Variants in MTRR observed in about 807,000 individuals in gnomAD.
MTRR encodes the protein 5-methyltetrahydrofolate-homocysteine methyltransferase reductase, also known as methionine synthase reductase.
Under a neutral mutation model 79.2 loss-of-function variants are expected in MTRR, and 63 were observed. The ratio of observed to expected loss-of-function variants is 0.80; its 90% CI spans 0.65 to 0.98. The LOEUF (loss-of-function observed/expected upper bound fraction) is 0.98. Among genes scored for constraint, MTRR ranks in the 50% least tolerant of loss-of-function variants. The pLI is 0.00. For missense variants in MTRR, 895 were observed against 839.6 expected (o/e 1.07, Z -0.82); for synonymous variants, 355 against 313.3 (o/e 1.13, Z -1.41).
chr5:7,890,333 C>T (rs1737336421), intron 9 of MTRR: 1 of 985,262 alleles, frequency 1.0e-6, no homozygotes, highest in African/African-American at 1.7e-5. Flanking sequence ...TCTCACCATC[C>T]TGTCCTCAGG....
intron 9 of MTRR, among the ~76,000 whole-genome samples, chr5:7,890,778 T>G (rs1737408836): frequency 6.6e-6 from 1 of 152,218 alleles, no homozygotes; most frequent in Non-Finnish European, 1.5e-5. Context: ...AGTTCAATAT[T>G]TAAATACAGA....
intron 9 of MTRR, chr5:7,890,490 T>C: frequency 3.4e-6 from 3 of 885,688 alleles, no homozygotes; most frequent in Non-Finnish European, 4.1e-6. Context: ...AGATTTTTTG[T>C]TACCTTTTAG....
At position 7,892,828 on chromosome 5, in the gene MTRR, G is replaced by A. The variant is rs148284479; in HGVS notation, c.1472G>A (p.Gly491Asp). 54 of 1,614,054 alleles carry A rather than the reference G, an allele frequency of 3.3e-5. No homozygotes were observed. Among genetic ancestry groups the A allele is most frequent in the Non-Finnish European group, 4.1e-5 (48 of 1,180,026 alleles). ...GTTCTGCGGAAGGGAGTATGTACAG[G>A]CTGGCTGGCCTTGTTGGTTGCTTCA... is the stretch of plus-strand genomic sequence containing the variant. ...TEVLRKGVCT[G>D]WLALLVASVL... Residue 491 changes from glycine to aspartate, a missense_variant, in exon 11 of 15, where the codon GGC (glycine) becomes GAC (aspartate). By Grantham distance (94) the Gly-to-Asp change is moderately conservative. Coordinates refer to ENST00000440940, the MANE Select transcript of MTRR (RefSeq NM_002454.3).
At chr5:7,881,890 CTGCTACTTACGGT>C (rs1735656959) in intron 5 of MTRR, among the ~76,000 whole-genome samples, 1 of 152,178 alleles carries the variant, frequency 6.6e-6, no homozygotes, top group Non-Finnish European at 1.5e-5. Context: ...CTGGCACTCC[CTGCTACTTACGGT>C]TGCATTGTTG....
At chr5:7,886,167 T>A (rs987546142) in intron 7 of MTRR, among the ~76,000 whole-genome samples, 1 of 152,176 alleles carries the variant, frequency 6.6e-6, no homozygotes, top group Non-Finnish European at 1.5e-5. Flanking sequence ...TTTCCTATTA[T>A]GTTTACTTCT....
intron 9 of MTRR, 26 bp downstream of exon 9, chr5:7,889,301 T>G (rs1579760428): frequency 6.2e-7 from 1 of 1,612,070 alleles, no homozygotes; most frequent in Non-Finnish European, 8.5e-7. Flanking sequence ...CACAAGCACC[T>G]TGGTGGCTGT....
At chr5:7,886,514 C>G (rs555526440) in intron 7 of MTRR, 101 bp from the exon 8 acceptor site, 1 of 916,058 alleles carries the variant, frequency 1.1e-6, no homozygotes, top group African/African-American at 1.6e-5. Context: ...CACTTTGATG[C>G]GCTGTAAAGT....
At chr5:7,896,056 T>G (rs1243368517) in intron 12 of MTRR, among the ~76,000 whole-genome samples, 1 of 152,238 alleles carries the variant, frequency 6.6e-6, no homozygotes, top group East Asian at 1.9e-4. Flanking sequence ...CCTTTTTTAC[T>G]GTGGCACTTT....
At chr5:7,869,129 C>A (rs778014024), upstream of MTRR, 8 of 1,613,466 alleles carry the variant, frequency 5.0e-6, no homozygotes, top group Admixed American at 1.3e-4. Flanking sequence ...TCCTGGGTAC[C>A]GAGCATGGGC....
intron 3 of MTRR, among the ~76,000 whole-genome samples, chr5:7,874,652 AGAAACATACCACATTGTTAATTGTGGTT>A (rs1748568938): frequency 6.7e-6 from 1 of 149,708 alleles, no homozygotes; most frequent in South Asian, 2.1e-4. Context: ...TCCCCAACAC[AGAAACATACCACATTGTTAATTGTGGTT>A]ATTTATATGG....
chr5:7,866,141 C>A (rs1326533844), upstream of MTRR, among the ~76,000 whole-genome samples: 1 of 152,130 alleles, frequency 6.6e-6, no homozygotes, highest in African/African-American at 2.4e-5. Context: ...TTATGCCCTC[C>A]TCTTGCCACC....
At chr5:7,858,282 G>A (rs893757147) in intron 1 of MTRR, among the ~76,000 whole-genome samples, 7 of 152,138 alleles carry the variant, frequency 4.6e-5, no homozygotes, top group Admixed American at 4.6e-4. Context: ...CTCAGTGTCA[G>A]GAATGCCTGT....
chr5:7,877,364 G>A (rs562911620), intron 4 of MTRR, among the ~76,000 whole-genome samples: 33 of 151,550 alleles, frequency 2.2e-4, no homozygotes, highest in African/African-American at 7.0e-4. Context: ...AGCCTCCCTG[G>A]GAATTTTACT....
chr5:7,872,836 CT>C (rs375205863), intron 2 of MTRR, among the ~76,000 whole-genome samples: 3 of 151,944 alleles, frequency 2.0e-5, no homozygotes, highest in Non-Finnish European at 2.9e-5. Context: ...TCTTTCCTTG[CT>C]TTTTTTTACT....
chr5:7,863,198 G>A (rs1746678707), intron 2 of MTRR: 1 of 556,350 alleles, frequency 1.8e-6, no homozygotes, highest in Non-Finnish European at 3.1e-6. Context: ...AGTTCAAAAT[G>A]TCTTTTATAT....
chr5:7,857,015 C>T (rs1746266168), intron 1 of MTRR: 1 of 152,132 alleles, frequency 6.6e-6, no homozygotes, highest in Admixed American at 6.5e-5. Flanking sequence ...CTCTCTCCTC[C>T]AGAGATCCTC....
intron 3 of MTRR, among the ~76,000 whole-genome samples, chr5:7,874,881 TG>T (rs2126672864): frequency 6.6e-6 from 1 of 152,328 alleles, no homozygotes; most frequent in South Asian, 2.1e-4. Flanking sequence ...CCAGAAGCTA[TG>T]GTTGGCTGAC....
In MTRR at chr5:7,884,250, A is replaced by G. The variant is rs76702152; in HGVS notation, c.903+973A>G. Among the ~76,000 whole-genome samples the G allele has an allele frequency of 3.5e-3, 538 of 152,306 alleles. 4 individuals are homozygous for G. Among genetic ancestry groups the G allele is most frequent in the African/African-American group, 0.012 (519 of 41,572 alleles). On this transcript the variant is annotated intron_variant, in intron 6 of 14. Transcript: ENST00000440940. ...GAGCAGTGGTTTTGATTTCTTGAGA[A>G]TCTGGAAAAAATTATGGACTCTCCC...
At chr5:7,860,939 T>C (rs979147630) in intron 1 of MTRR, among the ~76,000 whole-genome samples, 2 of 152,212 alleles carry the variant, frequency 1.3e-5, no homozygotes, top group Non-Finnish European at 2.9e-5. Flanking sequence ...TCAAGTAGAT[T>C]CTTTGTGTAC....
Sources: allele counts gnomAD v4.1 joint callset (sites outside exome capture counted in the v4.1 genomes callset), GRCh38; gene constraint gnomAD v4.1.1; transcripts MANE v1.5; gene names NCBI Gene and HGNC (gene_info 2026-07-23, HGNC 2026-07-21).